The following PRIM2 variants were observed in gnomAD, a reference collection of about 807,000 sequenced individuals.
The protein encoded by PRIM2 is DNA primase subunit 2.
In PRIM2, 39 loss-of-function variants were observed where a neutral mutation model predicts 67.3. That is an observed-to-expected ratio of 0.58 (90% CI 0.45 to 0.76). The LOEUF (loss-of-function observed/expected upper bound fraction) is 0.76. Ranked by LOEUF, PRIM2 falls within the 30% of genes least tolerant of loss-of-function variation. The pLI is 0.00. For missense variants in PRIM2, 398 were observed against 598.7 expected (o/e 0.66, Z 3.50); for synonymous variants, 143 against 198.7 (o/e 0.72, Z 2.36).
chr6:57,258,659 A>G, the PRIM2 span, among the ~76,000 whole-genome samples: 4 of 142,130 alleles, frequency 2.8e-5, no homozygotes, highest in East Asian at 8.3e-4. Flanking sequence ...AAGAAAGCCC[A>G]AGAGCCTAGA....
upstream of PRIM2, among the ~76,000 whole-genome samples, chr6:57,310,904 G>A (rs1767369801): frequency 6.8e-6 from 1 of 146,244 alleles, no homozygotes. Context: ...ACGGGGTGGC[G>A]GCCGGGCAGA....
At chr6:57,431,667 G>T (rs1244093553) in intron 7 of PRIM2, among the ~76,000 whole-genome samples, 1 of 152,032 alleles carries the variant, frequency 6.6e-6, no homozygotes, top group Non-Finnish European at 1.5e-5. Context: ...AATGTGATTT[G>T]TTTTGTTTGA....
intron 10 of PRIM2, among the ~76,000 whole-genome samples, chr6:57,592,675 C>A (rs1218094604): frequency 2.0e-5 from 3 of 151,934 alleles, no homozygotes; most frequent in Non-Finnish European, 4.4e-5. Context: ...CTTGTAATCC[C>A]AGCTACTCAG....
chr6:57,382,121 G>A lies in PRIM2; in HGVS notation c.646G>A (p.Ala216Thr), dbSNP rs1310110765. The A allele has an allele frequency of 5.0e-6, 8 of 1,613,210 alleles. No individual in the cohort carries two copies. The highest frequency in any genetic ancestry group is 2.2e-5 in the East Asian group (1 of 44,828). ...TTACGTACCACTTAAGGACATTGTGGCAATCATCCTGAATGAATTTAGAGC... is the reference window on the plus strand; with the variant it reads ...TTACGTACCACTTAAGGACATTGTGACAATCATCCTGAATGAATTTAGAGC... ...FAYVPLKDIV[A>T]IILNEFRAKL... is the part of the protein sequence containing the mutation. Residue 216 changes from alanine (A) to threonine (T), a missense_variant, in exon 7 of 14, where the codon GCA becomes ACA. Physicochemically the swap from Ala to Thr is moderately conservative, Grantham distance 58 (BLOSUM62 0). Transcript: ENST00000615550.
At chr6:57,496,514 C>A in intron 7 of PRIM2, among the ~76,000 whole-genome samples, 1 of 152,146 alleles carries the variant, frequency 6.6e-6, no homozygotes, top group Admixed American at 6.5e-5. Flanking sequence ...AATTTATGTG[C>A]GTATTTAGGA....
chr6:57,489,980 A>G lies in PRIM2; in HGVS notation c.694-17407A>G, dbSNP rs1554345821. ...TTGAGGTTTGATGTGACTTTCTCCA[A>G]TTGCTTTGAGACAATGATTGCCTGC... On this transcript the variant is annotated intron_variant, in intron 7 of 13. Coordinates refer to ENST00000615550, the MANE Select transcript of PRIM2 (RefSeq NM_000947.5). 3.1e-3 allele frequency among the ~76,000 whole-genome samples: 466 copies of G among 150,352 alleles called. 2 individuals carry two copies. The highest frequency in any genetic ancestry group is 0.01 in the African/African-American group (417 of 40,598).
At chr6:57,333,314 G>A (rs1768118148) in intron 5 of PRIM2, among the ~76,000 whole-genome samples, 1 of 152,120 alleles carries the variant, frequency 6.6e-6, no homozygotes, top group African/African-American at 2.4e-5. Context: ...ATACCTGTAT[G>A]TTGGGAATAT....
chr6:57,253,675 T>A, the PRIM2 span, among the ~76,000 whole-genome samples: 1 of 152,188 alleles, frequency 6.6e-6, no homozygotes, highest in African/African-American at 2.4e-5. Context: ...GAAATATTGA[T>A]ATAATTATTA....
intron 7 of PRIM2, among the ~76,000 whole-genome samples, chr6:57,452,052 A>G (rs1235886599): frequency 4.0e-5 from 6 of 151,068 alleles, no homozygotes; most frequent in Non-Finnish European, 5.9e-5. Context: ...TTGTCCTTGC[A>G]ATAGTTTGCT....
At chr6:57,361,988 G>C (rs547641467) in intron 5 of PRIM2, among the ~76,000 whole-genome samples, 13 of 152,174 alleles carry the variant, frequency 8.5e-5, no homozygotes, top group Admixed American at 7.9e-4. Context: ...TAAAAGATAA[G>C]GCAGAAAGGA....
At chr6:57,246,367 A>G in the PRIM2 span, among the ~76,000 whole-genome samples, 4 of 152,238 alleles carry the variant, frequency 2.6e-5, no homozygotes, top group African/African-American at 4.8e-5. Context: ...ACGCTAGTAT[A>G]TAAGTTTCCT....
chr6:57,578,808 C>T (rs1368774141), intron 10 of PRIM2, among the ~76,000 whole-genome samples: 3 of 151,318 alleles, frequency 2.0e-5, no homozygotes, highest in African/African-American at 7.3e-5. Context: ...TCCCGAGTAG[C>T]TGGGACTACA....
chr6:57,371,191 T>TAA (rs1189176953), intron 5 of PRIM2, among the ~76,000 whole-genome samples: 1 of 150,906 alleles, frequency 6.6e-6, no homozygotes, highest in Non-Finnish European at 1.5e-5. Context: ...TTTGGAGAAG[T>TAA]AAAGTCTGTT....
At chr6:57,350,091 G>C (rs573624926) in intron 5 of PRIM2, among the ~76,000 whole-genome samples, 1 of 152,258 alleles carries the variant, frequency 6.6e-6, no homozygotes, top group East Asian at 1.9e-4. Context: ...CTGTGGAACA[G>C]GGCAAGCTAA....
At chr6:57,376,792 A>G (rs1318077701) in intron 5 of PRIM2, among the ~76,000 whole-genome samples, 2 of 152,154 alleles carry the variant, frequency 1.3e-5, no homozygotes, top group Admixed American at 1.3e-4. Context: ...TAGATCCTTG[A>G]TAGTTTTAAT....
At chr6:57,435,543 GTATGGACTTCTGAAA>G (rs1373781438) in intron 7 of PRIM2, among the ~76,000 whole-genome samples, 1 of 152,194 alleles carries the variant, frequency 6.6e-6, no homozygotes, top group Non-Finnish European at 1.5e-5. Context: ...CATCATAAAA[GTATGGACTTCTGAAA>G]TATGGGCTTC....
intron 7 of PRIM2, among the ~76,000 whole-genome samples, chr6:57,413,821 T>G (rs578012942): frequency 1.3e-5 from 2 of 152,164 alleles, no homozygotes; most frequent in Non-Finnish European, 2.9e-5. Flanking sequence ...GTGATTTGAC[T>G]GTGTATCTTG....
intron 7 of PRIM2, among the ~76,000 whole-genome samples, chr6:57,449,317 G>A (rs1390288735): frequency 6.6e-6 from 1 of 152,130 alleles, no homozygotes; most frequent in Non-Finnish European, 1.5e-5. Context: ...GCTAGGAAAA[G>A]TCTTTAAACA....
chr6:57,369,656 G>A (rs940938342), intron 5 of PRIM2, among the ~76,000 whole-genome samples: 3 of 152,128 alleles, frequency 2.0e-5, no homozygotes, highest in Non-Finnish European at 2.9e-5. Flanking sequence ...GTTTCATGTT[G>A]AGCCATTTGT....
Sources: allele counts gnomAD v4.1 joint callset (sites outside exome capture counted in the v4.1 genomes callset), GRCh38; gene constraint gnomAD v4.1.1; transcripts MANE v1.5; gene names NCBI Gene and HGNC (gene_info 2026-07-23, HGNC 2026-07-21).